The following GAREM2 variants were observed in gnomAD, a reference collection of about 807,000 sequenced individuals.
The protein encoded by GAREM2 is GRB2 associated regulator of MAPK1 subtype 2.
A neutral mutation model predicts 55.6 loss-of-function variants in GAREM2; 30 were observed. That is an observed-to-expected ratio of 0.54 (90% CI 0.40 to 0.73). The LOEUF is 0.73. Ranked by LOEUF, GAREM2 falls within the 30% of genes least tolerant of loss-of-function variation. The pLI, the probability that GAREM2 is intolerant of heterozygous loss-of-function variation, is 0.00. For synonymous variants in GAREM2, 550 were observed against 569.1 expected (o/e 0.97, Z 0.48); for missense variants, 1,075 against 1,257.7 (o/e 0.85, Z 2.20).
downstream of GAREM2, chr2:26,193,464 C>G (rs1043848043): frequency 1.7e-5 from 15 of 903,126 alleles, no homozygotes; most frequent in Non-Finnish European, 2.3e-5. Flanking sequence ...GTGATAAGGG[C>G]TCTGTGTTTA....
At chr2:26,198,456 ACCTCCG>A in the GAREM2 span, among the ~76,000 whole-genome samples, 19 of 151,194 alleles carry the variant, frequency 1.3e-4, no homozygotes, top group African/African-American at 4.4e-4. Flanking sequence ...GCTCGCTGCA[ACCTCCG>A]CCTCCCAGTT....
At chr2:26,198,398 CAG>C in the GAREM2 span, among the ~76,000 whole-genome samples, 5 of 147,142 alleles carry the variant, frequency 3.4e-5, no homozygotes, top group Non-Finnish European at 6.0e-5. Context: ...TTTTTAAAGA[CAG>C]AGTCTCGCTC....
At chr2:26,185,960 A>G (rs184318660) in intron 4 of GAREM2, among the ~76,000 whole-genome samples, 4 of 152,244 alleles carry the variant, frequency 2.6e-5, no homozygotes, top group Admixed American at 2.0e-4. Context: ...TCCAAGGAAC[A>G]GGAAGGAGGC....
intron 2 of GAREM2, chr2:26,181,164 G>A (rs922852820): frequency 2.0e-6 from 2 of 977,950 alleles, no homozygotes; most frequent in African/African-American, 1.8e-5. Context: ...AAACACTCCA[G>A]TGGGTCTCAT....
intron 2 of GAREM2, 102 bp from the exon 3 acceptor site, chr2:26,182,865 G>T (rs1405415101): frequency 7.0e-7 from 1 of 1,418,682 alleles, no homozygotes; most frequent in Non-Finnish European, 9.6e-7. Flanking sequence ...CTGAGGGGCT[G>T]GCCGAGATTA....
chr2:26,174,188 C>T (rs888670156), intron 1 of GAREM2, among the ~76,000 whole-genome samples: 8 of 152,198 alleles, frequency 5.3e-5, no homozygotes, highest in South Asian at 2.1e-4. Flanking sequence ...GCAGGCTCCT[C>T]GTCTCCCCGT....
At chr2:26,204,262 T>A in the GAREM2 span, 1 of 1,447,712 alleles carries the variant, frequency 6.9e-7, no homozygotes, top group South Asian at 1.1e-5. Flanking sequence ...AAGTGGAAGA[T>A]TGCCTAAGTT....
At chr2:26,192,801 TA>T (rs1233381882), downstream of GAREM2, among the ~76,000 whole-genome samples, 1 of 152,182 alleles carries the variant, frequency 6.6e-6, no homozygotes, top group African/African-American at 2.4e-5. Flanking sequence ...TGGTCTATTA[TA>T]AAGCTCTGGC....
chr2:26,185,525 G>T (rs1259909417), intron 4 of GAREM2, among the ~76,000 whole-genome samples: 3 of 152,114 alleles, frequency 2.0e-5, no homozygotes, highest in Admixed American at 6.5e-5. Context: ...TTTGAGAGGA[G>T]CCCCGAAGCA....
At chr2:26,182,191 C>T in intron 2 of GAREM2, 1 of 1,356,962 alleles carries the variant, frequency 7.4e-7, no homozygotes, top group Non-Finnish European at 9.5e-7. Context: ...GTCAGCTTCA[C>T]AGACTGGCAA....
Position 26,184,785 on chromosome 2 carries a change from C to G in GAREM2, c.937C>G (p.Leu313Val). ...GCTGCGCCGCGAGGGCCCGGCGCCG[C>G]TGCACTTCCTGCTGCTCACGGACAC... The part of the protein sequence containing the change: ...LALRREGPAP[L>V]HFLLLTDTPR... The change falls in exon 4 of 6, where the codon CTG (leucine) becomes GTG (valine). Residue 313 changes from leucine (L) to valine (V), a missense_variant. Coordinates refer to ENST00000401533, the MANE Select transcript of GAREM2 (RefSeq NM_001168241.2). The G allele has an allele frequency of 1.3e-6, 2 of 1,500,020 alleles. No homozygotes were observed. Among genetic ancestry groups the G allele is most frequent in the Non-Finnish European group, 1.8e-6 (2 of 1,131,430 alleles). 92.9% of individuals were successfully genotyped at this position (1,500,020 alleles called of 1,614,324 possible).
At chr2:26,173,415 A>G in intron 1 of GAREM2, 83 bp downstream of exon 1, 1 of 703,560 alleles carries the variant, frequency 1.4e-6, no homozygotes, top group Non-Finnish European at 1.9e-6. Flanking sequence ...GATCGTGAGG[A>G]GGGTGCGGCA....
At chr2:26,175,684 G>C (rs1668842749) in intron 1 of GAREM2, among the ~76,000 whole-genome samples, 2 of 152,172 alleles carry the variant, frequency 1.3e-5, no homozygotes, top group Admixed American at 1.3e-4. Context: ...GGCTGCCCTT[G>C]GGAGAGGCAG....
At chr2:26,181,086 T>C in intron 2 of GAREM2, 1 of 985,516 alleles carries the variant, frequency 1.0e-6, no homozygotes, top group Non-Finnish European at 1.2e-6. Flanking sequence ...CTTACTGGTT[T>C]GTTTACCTGA....
chr2:26,200,002 A>G, the GAREM2 span, among the ~76,000 whole-genome samples: 1 of 152,240 alleles, frequency 6.6e-6, no homozygotes, highest in Non-Finnish European at 1.5e-5. Flanking sequence ...AGTTGTAAAC[A>G]CAGCAGTAGA....
rs115851145 is a variant in GAREM2, at chr2:26,179,190, G to T, written c.253+2706G>T. 0.02 allele frequency among the ~76,000 whole-genome samples: 3,021 copies of T among 152,142 alleles called. 107 individuals are homozygous for T. Among genetic ancestry groups the T allele is most frequent in the African/African-American group, 0.067 (2,798 of 41,480 alleles). ...CTGGCCTGGCCCCGTACTGTCCCCCGTCCCAGCCCCCGCCCCTGGCCCTGC... is the reference window on the plus strand; with the variant it reads ...CTGGCCTGGCCCCGTACTGTCCCCCTTCCCAGCCCCCGCCCCTGGCCCTGC... On this transcript the variant is annotated intron_variant, in intron 2 of 5. Transcript: ENST00000401533. This position sits in a 1 kb window ranked among gnomAD's most constrained non-coding sequence, Gnocchi z 4.7.
At chr2:26,178,048 C>A (rs1239386086) in intron 2 of GAREM2, among the ~76,000 whole-genome samples, 1 of 152,162 alleles carries the variant, frequency 6.6e-6, no homozygotes, top group East Asian at 1.9e-4. Context: ...TCTCCCTGAG[C>A]CAGGAGGACA....
chr2:26,188,277 A>G lies in GAREM2; in HGVS notation c.*20A>G. On this transcript the variant is annotated 3_prime_UTR_variant, in exon 6 of 6. Coordinates refer to ENST00000401533, the MANE Select transcript of GAREM2 (RefSeq NM_001168241.2). The stretch of plus-strand genomic sequence containing the variant: ...ATCTGAACTGCCCAGCTGGAGCTGC[A>G]CAGCTGGAATGCTGGTATGGGGGCC... 1 of 1,424,352 alleles carries G rather than the reference A, an allele frequency of 7.0e-7. No individual in the cohort carries two copies. The highest frequency in any genetic ancestry group is 9.3e-7 in the Non-Finnish European group (1 of 1,078,250). 88.2% of individuals were successfully genotyped at this position (1,424,352 alleles called of 1,614,324 possible).
the GAREM2 span, among the ~76,000 whole-genome samples, chr2:26,202,811 GC>G: frequency 6.6e-6 from 1 of 152,316 alleles, no homozygotes; most frequent in South Asian, 2.1e-4. Flanking sequence ...AATCATGACA[GC>G]AGTCAGCAAA....
Sources: gnomAD v4.1 joint callset for allele counts (sites outside exome capture counted in the v4.1 genomes callset) on GRCh38, gnomAD v4.1.1 for gene constraint, Gnocchi (gnomAD v3.1) non-coding constraint, MANE v1.5 for transcripts, NCBI Gene and HGNC (gene_info 2026-07-23, HGNC 2026-07-21) for gene names.